MGMT: variants seen among roughly 807,000 people sequenced by gnomAD.
The protein encoded by MGMT is methylated-DNA--protein-cysteine methyltransferase.
MGMT carries 14 observed loss-of-function variants against 15.9 expected under a neutral mutation model. That is an observed-to-expected ratio of 0.88 (90% confidence interval 0.58 to 1.37). The LOEUF (loss-of-function observed/expected upper bound fraction) is 1.37. Ranked by LOEUF, MGMT falls within the 40% of genes most tolerant of loss-of-function variation. The probability of loss-of-function intolerance (pLI) is 0.00; values close to 1 mark genes in which losing one functional copy is unlikely to be tolerated. For synonymous variants in MGMT, 130 were observed against 118.2 expected (o/e 1.10, Z -0.65); for missense variants, 282 against 268.1 (o/e 1.05, Z -0.36).
At chr10:129,754,561 T>C (rs1447926747) in intron 3 of MGMT, among the ~76,000 whole-genome samples, 1 of 152,190 alleles carries the variant, frequency 6.6e-6, no homozygotes, top group Admixed American at 6.5e-5. Context: ...GCCCTGAACA[T>C]AGTTGTCTCA....
At chr10:129,672,175 A>G (rs528941750) in intron 2 of MGMT, among the ~76,000 whole-genome samples, 1 of 152,186 alleles carries the variant, frequency 6.6e-6, no homozygotes, top group Non-Finnish European at 1.5e-5. Flanking sequence ...TTTTTATATC[A>G]TTTGTTATAG....
intron 1 of MGMT, among the ~76,000 whole-genome samples, chr10:129,476,844 A>G (rs1343321294): frequency 6.6e-6 from 1 of 152,158 alleles, no homozygotes; most frequent in East Asian, 1.9e-4. Context: ...GCTTCTGGAC[A>G]TGTCAAACCC....
intron 2 of MGMT, among the ~76,000 whole-genome samples, chr10:129,657,892 G>A (rs1239906250): frequency 6.6e-6 from 1 of 152,110 alleles, no homozygotes; most frequent in African/African-American, 2.4e-5. Context: ...CCCATCCCAT[G>A]AGTGCAAAGC....
In MGMT at chr10:129,770,445, C is replaced by T. The variant is rs548874797; in HGVS notation, c.*3448C>T. ...TTGCTGTATCCCCTGACCTGGCCTA[C>T]AAGGACAGAACAGCCCTGGGGGCCA... On this transcript the variant is annotated 3_prime_UTR_variant, in exon 5 of 5. Transcript: ENST00000651593. Among the ~76,000 whole-genome samples the T allele has an allele frequency of 5.6e-4, 85 of 152,338 alleles. No individual in the cohort carries two copies. The highest frequency in any genetic ancestry group is 3.4e-3 in the Middle Eastern group (1 of 294).
At chr10:129,585,789 T>G (rs1589880314) in intron 2 of MGMT, among the ~76,000 whole-genome samples, 1 of 152,332 alleles carries the variant, frequency 6.6e-6, no homozygotes, top group South Asian at 2.1e-4. Context: ...CAGTATCTTT[T>G]CCTACACATA....
chr10:129,666,902 T>C (rs1321149084), intron 2 of MGMT, among the ~76,000 whole-genome samples: 1 of 152,158 alleles, frequency 6.6e-6, no homozygotes, highest in Non-Finnish European at 1.5e-5. Context: ...TTGGCTTGGT[T>C]CCCACACCTG....
At chr10:129,568,978 TG>T (rs1846386292) in intron 2 of MGMT, among the ~76,000 whole-genome samples, 1 of 152,224 alleles carries the variant, frequency 6.6e-6, no homozygotes, top group African/African-American at 2.4e-5. Flanking sequence ...CCTCACACAT[TG>T]GGCTTCTGTA....
chr10:129,695,179 G>A (rs978232282), intron 2 of MGMT, among the ~76,000 whole-genome samples: 5 of 152,182 alleles, frequency 3.3e-5, no homozygotes, highest in South Asian at 4.1e-4. Flanking sequence ...ATTAAATGCA[G>A]TATTCTCAAC....
intron 3 of MGMT, among the ~76,000 whole-genome samples, chr10:129,713,130 A>T (rs1386351122): frequency 6.6e-6 from 1 of 152,168 alleles, no homozygotes; most frequent in Non-Finnish European, 1.5e-5. Flanking sequence ...TTACCAATTG[A>T]AAGAGAAGAG....
At chr10:129,693,211 G>T (rs139952804) in intron 2 of MGMT, among the ~76,000 whole-genome samples, 1 of 152,240 alleles carries the variant, frequency 6.6e-6, no homozygotes, top group African/African-American at 2.4e-5. Context: ...ATTTCCAGGC[G>T]TCAGTGGGGT....
At chr10:129,722,036 A>C (rs1237107168) in intron 3 of MGMT, among the ~76,000 whole-genome samples, 2 of 152,104 alleles carry the variant, frequency 1.3e-5, no homozygotes, top group African/African-American at 4.8e-5. Flanking sequence ...AAAATAATGT[A>C]AAATGATGAC....
At chr10:129,685,021 G>T (rs767619984) in intron 2 of MGMT, among the ~76,000 whole-genome samples, 30 of 152,332 alleles carry the variant, frequency 2.0e-4, no homozygotes, top group Non-Finnish European at 4.1e-4. Flanking sequence ...CGTGGGAAAA[G>T]CTTTTGAGTG....
chr10:129,592,638 T>A (rs1846700219), intron 2 of MGMT, among the ~76,000 whole-genome samples: 1 of 151,948 alleles, frequency 6.6e-6, no homozygotes, highest in Non-Finnish European at 1.5e-5. Context: ...CAAAGGAGAG[T>A]ATCCACAGTG....
intron 4 of MGMT, among the ~76,000 whole-genome samples, chr10:129,765,221 G>A (rs1848919832): frequency 6.6e-6 from 1 of 152,158 alleles, no homozygotes; most frequent in South Asian, 2.1e-4. Flanking sequence ...GCTACTTAGG[G>A]ATGAAGGCTG....
chr10:129,727,604 C>A (rs1022722954), intron 3 of MGMT, among the ~76,000 whole-genome samples: 2 of 152,248 alleles, frequency 1.3e-5, no homozygotes, highest in African/African-American at 2.4e-5. Flanking sequence ...CCTTTCATAG[C>A]TGGTCCTTGT....
intron 2 of MGMT, among the ~76,000 whole-genome samples, chr10:129,661,177 T>C (rs1198747099): frequency 6.6e-6 from 1 of 152,230 alleles, no homozygotes. Context: ...TTTATTAACT[T>C]TTCCCACTTT....
intron 2 of MGMT, among the ~76,000 whole-genome samples, chr10:129,652,147 A>G (rs1228599249): frequency 6.6e-6 from 1 of 152,130 alleles, no homozygotes; most frequent in Non-Finnish European, 1.5e-5. Context: ...AGGACTGAAG[A>G]CAACAGAAAG....
Position 129,707,898 on chromosome 10 carries a change from C to G in MGMT, c.129C>G (p.Ala43=), listed in dbSNP as rs758393150. 10 of 1,611,160 alleles carry G rather than the reference C, an allele frequency of 6.2e-6. No homozygotes were observed. Among genetic ancestry groups the G allele is most frequent in the South Asian group, 4.4e-5 (4 of 91,018 alleles). ...LLGKGTSAAD[A]VEVPAPAAVL... ...GCCCCTGTTCTCACTTTTGCAGTGCCGTGGAGGTCCCAGCCCCCGCTGCGG... is the reference window on the plus strand; with the variant it reads ...GCCCCTGTTCTCACTTTTGCAGTGCGGTGGAGGTCCCAGCCCCCGCTGCGG... The change falls in exon 3 of 5, where the codon GCC becomes GCG. Residue 43 remains alanine (A), a synonymous_variant. Transcript: ENST00000651593.
At position 129,477,943 on chromosome 10, in the gene MGMT, G is replaced by T. The variant is rs757747170; in HGVS notation, c.-13+10647G>T. ...AGGTTTAGCTCTTGGCATCCCAAAA[G>T]ATATGAGTGTATTGCAGTAAAAAAC... On this transcript the variant is annotated intron_variant, in intron 1 of 4. Coordinates refer to ENST00000651593, the MANE Select transcript of MGMT (RefSeq NM_002412.5). Among the ~76,000 whole-genome samples, 4 of 152,202 alleles carry T rather than the reference G, an allele frequency of 2.6e-5. No homozygotes were observed. In the East Asian group the frequency reaches 5.8e-4, roughly 22 times the overall value.
Sources: allele counts gnomAD v4.1 joint callset (sites outside exome capture counted in the v4.1 genomes callset), GRCh38; gene constraint gnomAD v4.1.1; transcripts MANE v1.5; gene names NCBI Gene and HGNC (gene_info 2026-07-23, HGNC 2026-07-21).